The following NTM variants were observed in gnomAD, a reference collection of about 807,000 sequenced individuals.
NTM encodes the protein neurotrimin, also known as IgLON family member 2.
In NTM, 13 loss-of-function variants were observed where a neutral mutation model predicts 42.1. The ratio of observed to expected loss-of-function variants is 0.31; its 90% CI spans 0.20 to 0.49. The LOEUF (loss-of-function observed/expected upper bound fraction) is 0.49. Among genes scored for constraint, NTM ranks in the 20% least tolerant of loss-of-function variants. NTM has a pLI of 0.99. For synonymous variants in NTM, 187 were observed against 179.2 expected (o/e 1.04, Z -0.35); for missense variants, 373 against 452.8 (o/e 0.82, Z 1.60).
At chr11:131,929,345 G>A (rs771925296) in intron 2 of NTM, among the ~76,000 whole-genome samples, 8 of 152,176 alleles carry the variant, frequency 5.3e-5, no homozygotes, top group Admixed American at 1.3e-4. Context: ...TGTGGGCGGG[G>A]CCTGGTCCAA....
intron 1 of NTM, among the ~76,000 whole-genome samples, chr11:131,754,254 C>T (rs1398935966): frequency 1.3e-5 from 2 of 151,504 alleles, no homozygotes; most frequent in Non-Finnish European, 2.9e-5. Context: ...GCACGTTGTG[C>T]ACATGTACCC....
chr11:131,800,705 C>G (rs1208591698), intron 1 of NTM, among the ~76,000 whole-genome samples: 1 of 152,158 alleles, frequency 6.6e-6, no homozygotes, highest in African/African-American at 2.4e-5. Flanking sequence ...TCCTTCTCCC[C>G]CGCTCTATGG....
chr11:131,787,998 T>C (rs575895850), intron 1 of NTM, among the ~76,000 whole-genome samples: 2 of 152,360 alleles, frequency 1.3e-5, no homozygotes, highest in Non-Finnish European at 2.9e-5. Flanking sequence ...TTTTCTCTTT[T>C]CTTAGTCCTA....
At chr11:132,202,919 G>A (rs531465479) in intron 3 of NTM, among the ~76,000 whole-genome samples, 4 of 152,274 alleles carry the variant, frequency 2.6e-5, no homozygotes, top group South Asian at 2.1e-4. Flanking sequence ...TATGGAGGGC[G>A]AGAGAAGGAA....
intron 1 of NTM, among the ~76,000 whole-genome samples, chr11:131,772,862 C>A (rs1363835304): frequency 6.6e-6 from 1 of 152,176 alleles, no homozygotes; most frequent in East Asian, 1.9e-4. Context: ...GTCATTCTAT[C>A]TGAGAAGTGG....
At chr11:131,877,151 G>A (rs929407973) in intron 1 of NTM, among the ~76,000 whole-genome samples, 4 of 152,164 alleles carry the variant, frequency 2.6e-5, no homozygotes, top group South Asian at 2.1e-4. Flanking sequence ...GAGGCACTGC[G>A]CCAGGCCCCA....
Position 131,929,403 on chromosome 11 carries a change from G to T in NTM, c.167+17755G>T, listed in dbSNP as rs577620981. Among the ~76,000 whole-genome samples the T allele has an allele frequency of 1.0e-3, 153 of 152,286 alleles. 1 individual carries two copies. Among genetic ancestry groups the T allele is most frequent in the Admixed American group, 2.0e-3 (31 of 15,302 alleles). ...TTGGATTTTATTCTTCGTCTTATGG[G>T]AAGCCCCTGGAGCAGTTTGACAGTT... On this transcript the variant is annotated intron_variant, in intron 2 of 8. Transcript: ENST00000683400.
At chr11:131,848,477 C>T (rs959404303) in intron 1 of NTM, among the ~76,000 whole-genome samples, 2 of 152,286 alleles carry the variant, frequency 1.3e-5, no homozygotes, top group Non-Finnish European at 1.5e-5. Flanking sequence ...AGCTGCCTGC[C>T]AGGCTATGGG....
At chr11:131,954,195 G>A in intron 2 of NTM, among the ~76,000 whole-genome samples, 1 of 152,182 alleles carries the variant, frequency 6.6e-6, no homozygotes, top group South Asian at 2.1e-4. Flanking sequence ...GTGGTTTTGG[G>A]AGCCAGACAC....
At chr11:131,416,317 G>A (rs12421853) in intron 1 of NTM, among the ~76,000 whole-genome samples, 2 of 152,008 alleles carry the variant, frequency 1.3e-5, no homozygotes, top group East Asian at 1.9e-4. Context: ...TAGAGGGTAC[G>A]AATGGTAAAT....
At chr11:132,183,055 C>A (rs147757413) in intron 3 of NTM, among the ~76,000 whole-genome samples, 4 of 152,178 alleles carry the variant, frequency 2.6e-5, no homozygotes. Flanking sequence ...GCATCTCACA[C>A]GGTGCTGTAC....
intron 2 of NTM, among the ~76,000 whole-genome samples, chr11:132,091,391 G>C (rs890136182): frequency 2.6e-5 from 4 of 152,058 alleles, no homozygotes; most frequent in African/African-American, 9.7e-5. Context: ...CTGGGTGACA[G>C]TGGGACTCTG....
intron 4 of NTM, among the ~76,000 whole-genome samples, chr11:132,287,598 A>T (rs1299924015): frequency 6.6e-6 from 1 of 152,222 alleles, no homozygotes. Context: ...ACAGCCTCTA[A>T]AAAATACAAT....
rs200197143 is a variant in NTM, at chr11:131,661,000, G to A, written c.83-250564G>A. Reference sequence around the variant, plus strand: ...TTTTAAAGTGGAAAAAAAAATGAACGGAAAAAGAAACGGGGAAGGTGGGAA... The same window carrying A: ...TTTTAAAGTGGAAAAAAAAATGAACAGAAAAAGAAACGGGGAAGGTGGGAA... On this transcript the variant is annotated intron_variant, in intron 1 of 8. Coordinates refer to ENST00000683400, the MANE Select transcript of NTM (RefSeq NM_001352005.2). 1,323 of 1,304,348 alleles carry A rather than the reference G, an allele frequency of 1.0e-3. 1 individual carries two copies. Among genetic ancestry groups the A allele is most frequent in the Non-Finnish European group, 1.2e-3 (1,172 of 989,012 alleles). 80.8% of individuals were successfully genotyped at this position (1,304,348 alleles called of 1,614,324 possible).
chr11:132,052,014 A>G (rs981041640), intron 2 of NTM, among the ~76,000 whole-genome samples: 7 of 152,178 alleles, frequency 4.6e-5, no homozygotes, highest in African/African-American at 9.7e-5. Flanking sequence ...CAAGAGAACT[A>G]ATTAAATTGG....
chr11:131,882,107 TACA>T (rs2049619441), intron 1 of NTM, among the ~76,000 whole-genome samples: 1 of 152,220 alleles, frequency 6.6e-6, no homozygotes, highest in Non-Finnish European at 1.5e-5. Flanking sequence ...AACAGCAGAA[TACA>T]TATGTACATT....
intron 2 of NTM, among the ~76,000 whole-genome samples, chr11:132,073,239 TA>T (rs924152098): frequency 6.6e-6 from 1 of 152,128 alleles, no homozygotes; most frequent in African/African-American, 2.4e-5. Flanking sequence ...CCAGTGAAAA[TA>T]AACTGTTTTA....
chr11:131,396,520 A>G (rs1944572256), intron 1 of NTM, among the ~76,000 whole-genome samples: 1 of 152,294 alleles, frequency 6.6e-6, no homozygotes, highest in Non-Finnish European at 1.5e-5. Flanking sequence ...ATGGTGAAAG[A>G]AGTTAAATTA....
At chr11:132,050,780 G>A (rs1479407234) in intron 2 of NTM, among the ~76,000 whole-genome samples, 3 of 152,210 alleles carry the variant, frequency 2.0e-5, no homozygotes, top group Non-Finnish European at 2.9e-5. Flanking sequence ...CCAGTGTGTC[G>A]AGAGCAGAGG....
Sources: allele counts gnomAD v4.1 joint callset (sites outside exome capture counted in the v4.1 genomes callset), GRCh38; gene constraint gnomAD v4.1.1; transcripts MANE v1.5; gene names NCBI Gene and HGNC (gene_info 2026-07-23, HGNC 2026-07-21).